UHMK1: variants seen among roughly 807,000 people sequenced by gnomAD.
The protein encoded by UHMK1 is U2AF homology motif kinase 1.
Under a neutral mutation model 44.0 loss-of-function variants are expected in UHMK1, and 18 were observed. The observed-to-expected ratio is 0.41, with a 90% confidence interval of 0.28 to 0.61. The LOEUF is 0.61. UHMK1 is among the 20% of genes least tolerant of loss of function. UHMK1 has a pLI of 0.31. For synonymous variants in UHMK1, 231 were observed against 198.5 expected (o/e 1.16, Z -1.38); for missense variants, 463 against 522.5 (o/e 0.89, Z 1.11).
At chr1:162,508,959 A>AT (rs1373286605) in intron 4 of UHMK1, among the ~76,000 whole-genome samples, 3 of 151,586 alleles carry the variant, frequency 2.0e-5, no homozygotes, top group African/African-American at 7.3e-5. Flanking sequence ...TGCCTGGTTT[A>AT]TTTTTTTTGT....
rs189979570 is a variant in UHMK1 at position 162,527,055 on chromosome 1, A to G, written c.*4505A>G. 1.3e-5 allele frequency: 2 copies of G among 152,228 alleles called. No individual in the cohort carries two copies. The highest frequency in any genetic ancestry group is 6.5e-5 in the Admixed American group (1 of 15,296). The allele number at this position is 152,228 out of a possible 1,614,324, so 9.4% of individuals were successfully genotyped here. ...TGATGAATATAAAAATGTTGTCTCC[A>G]TCATACAGAGCTGAGCCTCTTGTGG... On this transcript the variant is annotated 3_prime_UTR_variant, in exon 8 of 8. Transcript: ENST00000489294.
At chr1:162,498,466 C>T (rs1651147354) in intron 1 of UHMK1, among the ~76,000 whole-genome samples, 198 bp downstream of exon 1, 1 of 152,208 alleles carries the variant, frequency 6.6e-6, no homozygotes, top group Non-Finnish European at 1.5e-5. Context: ...TCTGCTTTGC[C>T]AGGTGTCACA....
At chr1:162,511,179 TTTTC>T (rs1208490868) in intron 4 of UHMK1, among the ~76,000 whole-genome samples, 10 of 129,274 alleles carry the variant, frequency 7.7e-5, no homozygotes, top group Non-Finnish European at 1.2e-4. Context: ...TTTTTTTCTT[TTTTC>T]TTTTTCTTTT....
chr1:162,511,587 A>G (rs1331082381), intron 4 of UHMK1, among the ~76,000 whole-genome samples: 2 of 152,174 alleles, frequency 1.3e-5, no homozygotes, highest in East Asian at 3.8e-4. Flanking sequence ...GGCTGTGCAG[A>G]AGGATTTTAG....
intron 7 of UHMK1, among the ~76,000 whole-genome samples, chr1:162,519,909 T>C (rs1246178782): frequency 2.0e-5 from 3 of 152,024 alleles, no homozygotes; most frequent in Non-Finnish European, 4.4e-5. Flanking sequence ...TTATTGTATC[T>C]TTTTTTTGAG....
chr1:162,506,960 G>T (rs1431139359), intron 4 of UHMK1, among the ~76,000 whole-genome samples: 1 of 151,998 alleles, frequency 6.6e-6, no homozygotes, highest in Non-Finnish European at 1.5e-5. Context: ...AATATATTTT[G>T]ATTTTGATTG....
At chr1:162,518,028 G>A in intron 6 of UHMK1, 74 bp from the exon 7 acceptor site, 1 of 1,043,996 alleles carries the variant, frequency 9.6e-7, no homozygotes, top group Non-Finnish European at 1.5e-6. Flanking sequence ...ATTCTTTGAT[G>A]ATTAAAAAAT....
chr1:162,505,512 CACCTGCATT>C (rs1341991851), intron 4 of UHMK1, among the ~76,000 whole-genome samples: 6 of 152,342 alleles, frequency 3.9e-5, no homozygotes, highest in Admixed American at 1.3e-4. Flanking sequence ...CCTACCGCAA[CACCTGCATT>C]ACCTGCATTA....
intron 4 of UHMK1, among the ~76,000 whole-genome samples, chr1:162,510,338 T>C (rs1435592987): frequency 3.9e-5 from 6 of 152,224 alleles, no homozygotes; most frequent in Non-Finnish European, 8.8e-5. Flanking sequence ...TAATTAGGCA[T>C]CTTTTGGCTT....
chr1:162,504,340 C>T (rs761179252), intron 4 of UHMK1, among the ~76,000 whole-genome samples: 6 of 152,100 alleles, frequency 3.9e-5, no homozygotes, highest in Admixed American at 6.6e-5. Flanking sequence ...TGTGTACAGT[C>T]GTGTCATTTA....
At chr1:162,512,413 G>A (rs1651697891) in intron 4 of UHMK1, 87 bp from the exon 5 acceptor site, 6 of 1,021,008 alleles carry the variant, frequency 5.9e-6, no homozygotes, top group South Asian at 4.6e-5. Context: ...ATGCTGTGAT[G>A]AACATTCAGA....
At chr1:162,499,901 A>G in intron 1 of UHMK1, 54 bp from the exon 2 acceptor site, 1 of 1,560,016 alleles carries the variant, frequency 6.4e-7, no homozygotes, top group Non-Finnish European at 8.8e-7. Flanking sequence ...TACCTACTTT[A>G]GTAGTGACTT....
intron 6 of UHMK1, chr1:162,513,066 C>T (rs1239338573): frequency 2.6e-6 from 1 of 381,346 alleles, no homozygotes; most frequent in Middle Eastern, 8.5e-4. Flanking sequence ...CTCAGCCCCC[C>T]AAGTAGCTGA....
chr1:162,525,649 GA>G lies in UHMK1; in HGVS notation c.*3101del, dbSNP rs1462728478. 6.6e-6 allele frequency: 1 copy of G among 152,132 alleles called. No homozygotes were observed. Among genetic ancestry groups the G allele is most frequent in the Non-Finnish European group, 1.5e-5 (1 of 68,014 alleles). 9.4% of individuals were successfully genotyped at this position (152,132 alleles called of 1,614,324 possible). Reference sequence around the variant, plus strand: ...TAAAAGTACTGACTGCCTTTTAAAGGAATTTTTAAAACTATTCTCTTGCAAT... The same window carrying G: ...TAAAAGTACTGACTGCCTTTTAAAGGATTTTTAAAACTATTCTCTTGCAAT... On this transcript the variant is annotated 3_prime_UTR_variant, in exon 8 of 8. Coordinates refer to ENST00000489294, the MANE Select transcript of UHMK1 (RefSeq NM_175866.5).
At chr1:162,512,888 G>A (rs755358671) in intron 6 of UHMK1, 65 bp downstream of exon 6, 164 of 1,411,128 alleles carry the variant, frequency 1.2e-4, no homozygotes, top group Non-Finnish European at 1.4e-4. Context: ...AAACATATCC[G>A]TAACATTTTC....
intron 3 of UHMK1, among the ~76,000 whole-genome samples, chr1:162,502,930 T>C (rs1651328913): frequency 7.3e-6 from 1 of 137,370 alleles, no homozygotes; most frequent in Non-Finnish European, 1.6e-5. Flanking sequence ...TTTAATAAAT[T>C]TTACTGATAA....
chr1:162,505,092 A>G (rs2101672902), intron 4 of UHMK1, among the ~76,000 whole-genome samples: 1 of 152,146 alleles, frequency 6.6e-6, no homozygotes, highest in South Asian at 2.1e-4. Context: ...TTTTTCTTCT[A>G]TAATAAATTA....
At chr1:162,497,381 G>A (rs1651085203), upstream of UHMK1, 2 of 663,110 alleles carry the variant, frequency 3.0e-6, no homozygotes, top group South Asian at 1.6e-5. Flanking sequence ...AGTCCATTCC[G>A]ATGGTTGGCG....
At chr1:162,509,030 C>T (rs1651576224) in intron 4 of UHMK1, among the ~76,000 whole-genome samples, 1 of 152,074 alleles carries the variant, frequency 6.6e-6, no homozygotes, top group Non-Finnish European at 1.5e-5. Flanking sequence ...AGTAATCCTC[C>T]TGCCTTTGCC....
Sources: gnomAD v4.1 joint callset for allele counts (sites outside exome capture counted in the v4.1 genomes callset) on GRCh38, gnomAD v4.1.1 for gene constraint, MANE v1.5 for transcripts, NCBI Gene and HGNC (gene_info 2026-07-23, HGNC 2026-07-21) for gene names.